The following SHANK2 variants were observed in gnomAD, a reference collection of about 807,000 sequenced individuals.
SHANK2 encodes SH3 and multiple ankyrin repeat domains 2.
Under a neutral mutation model 133.7 loss-of-function variants are expected in SHANK2, and 43 were observed. That is an observed-to-expected ratio of 0.32 (90% confidence interval 0.25 to 0.41). The LOEUF (loss-of-function observed/expected upper bound fraction) is 0.41, where lower values mean the gene tolerates loss of function less well. Among genes scored for constraint, SHANK2 ranks in the 10% least tolerant of loss-of-function variants. The pLI is 1.00. For missense variants in SHANK2, 1,994 were observed against 2,235.8 expected, an observed-to-expected ratio of 0.89 and a Z score of 2.18; for synonymous variants, 1,017 against 952.8, an observed-to-expected ratio of 1.07 and a Z score of -1.24.
At chr11:71,189,963 A>C (rs1555115129) in intron 2 of SHANK2, among the ~76,000 whole-genome samples, 4 of 152,242 alleles carry the variant, frequency 2.6e-5, no homozygotes, top group African/African-American at 9.6e-5. Flanking sequence ...GAGCACTCCG[A>C]GCACGAGGGC....
chr11:71,146,986 G>T (rs561385175), intron 3 of SHANK2, 134 bp downstream of exon 3: 2 of 706,848 alleles, frequency 2.8e-6, no homozygotes, highest in South Asian at 4.6e-5. Context: ...CAGAAGTATG[G>T]AGCGAGGAAG....
chr11:70,661,828 G>C, intron 15 of SHANK2, 150 bp from the exon 16 acceptor site: 1 of 1,608,256 alleles, frequency 6.2e-7, no homozygotes, highest in Non-Finnish European at 8.5e-7. Context: ...AGGCAGCGAG[G>C]GTGCAGGAGG....
chr11:70,627,903 A>T (rs2060925663), intron 17 of SHANK2, among the ~76,000 whole-genome samples: 1 of 152,186 alleles, frequency 6.6e-6, no homozygotes, highest in Non-Finnish European at 1.5e-5. Flanking sequence ...CTCAACCTGG[A>T]TTGGACCTCA....
Position 70,487,283 on chromosome 11 carries a change from C to T in SHANK2, c.3010G>A (p.Ala1004Thr), listed in dbSNP as rs138335203. The change falls in exon 25 of 26, where the codon GCC becomes ACC. Residue 1004 changes from alanine (A) to threonine (T), a missense_variant. By Grantham distance (58) the Ala-to-Thr change is moderately conservative (BLOSUM62 0). Coordinates refer to ENST00000601538, the MANE Select transcript of SHANK2 (RefSeq NM_012309.5). This position sits in a 1 kb window ranked among gnomAD's most constrained non-coding sequence, Gnocchi z 5.8. The stretch of plus-strand genomic sequence containing the variant: ...ATCCCCTTCCGCCTGGCGGGCTTGG[C>T]GGGGACGTAGACGGCTTTGCTGGCG... ...KIASKAVYVP[A>T]KPARRKGMLV... is the part of the protein sequence containing the mutation. 33 of 1,614,080 alleles carry T rather than the reference C, an allele frequency of 2.0e-5. No individual in the cohort carries two copies. Among genetic ancestry groups the T allele is most frequent in the Admixed American group, 1.3e-4 (8 of 60,006 alleles).
chr11:71,115,690 G>C (rs371764319), intron 4 of SHANK2, among the ~76,000 whole-genome samples: 1 of 152,122 alleles, frequency 6.6e-6, no homozygotes, highest in South Asian at 2.1e-4. Flanking sequence ...GAGAGCATGG[G>C]TGGCTGGCTC....
chr11:70,919,390 C>CT (rs1385263902), intron 10 of SHANK2, among the ~76,000 whole-genome samples: 53 of 146,918 alleles, frequency 3.6e-4, no homozygotes, highest in East Asian at 2.4e-3. Flanking sequence ...TTTTTTAACT[C>CT]TTTTTTTTTG....
In SHANK2 at chr11:71,184,388, C is replaced by T. The variant is rs145738267; in HGVS notation, c.-12-37050G>A. ...GGCCCCCACGAAAAGCAATGGCTCTCGCGTCCATCACTTGAAACAATGTCG... is the reference window on the plus strand; with the variant it reads ...GGCCCCCACGAAAAGCAATGGCTCTTGCGTCCATCACTTGAAACAATGTCG... On this transcript the variant is annotated intron_variant, in intron 2 of 25. Transcript: ENST00000601538. Among the ~76,000 whole-genome samples, 781 of 152,278 alleles carry T rather than the reference C, an allele frequency of 5.1e-3. 13 individuals are homozygous for T. Among genetic ancestry groups the T allele is most frequent in the African/African-American group, 0.017 (705 of 41,562 alleles).
At chr11:70,528,050 TC>T (rs782559310) in intron 17 of SHANK2, among the ~76,000 whole-genome samples, 1 of 152,170 alleles carries the variant, frequency 6.6e-6, no homozygotes, top group Non-Finnish European at 1.5e-5. Flanking sequence ...ATGACCGTCC[TC>T]CCATCCCTGC....
At chr11:70,745,865 C>A (rs367942146) in intron 14 of SHANK2, among the ~76,000 whole-genome samples, 1 of 152,244 alleles carries the variant, frequency 6.6e-6, no homozygotes, top group East Asian at 1.9e-4. Flanking sequence ...CCTGATCCGC[C>A]ACACCTGAGA....
At chr11:71,219,115 A>G (rs543609760) in intron 2 of SHANK2, among the ~76,000 whole-genome samples, 37 of 152,228 alleles carry the variant, frequency 2.4e-4, no homozygotes, top group African/African-American at 8.2e-4. Flanking sequence ...ATGAGGAGAG[A>G]GCATTTCTCA....
intron 6 of SHANK2, among the ~76,000 whole-genome samples, chr11:71,099,440 T>C (rs1555096273): frequency 1.3e-5 from 2 of 152,226 alleles, no homozygotes; most frequent in Non-Finnish European, 2.9e-5. Context: ...GTACTATCTT[T>C]GCACTTATTC....
intron 2 of SHANK2, among the ~76,000 whole-genome samples, chr11:71,173,285 C>T (rs1415989381): frequency 6.6e-6 from 1 of 152,164 alleles, no homozygotes; most frequent in Non-Finnish European, 1.5e-5. Context: ...TAGGTTTCTC[C>T]TTCTGGCTGG....
At position 70,569,554 on chromosome 11, in the gene SHANK2, G is replaced by A. The variant is rs369210978; in HGVS notation, c.2062-66623C>T. ...TCCCCATCTTACCTCTGCTGGTGCCGCAGCCCTCTCCTTTCTGTGGCCCCT... is the reference window on the plus strand; with the variant it reads ...TCCCCATCTTACCTCTGCTGGTGCCACAGCCCTCTCCTTTCTGTGGCCCCT... On this transcript the variant is annotated intron_variant, in intron 17 of 25. Transcript: ENST00000601538. The surrounding 1 kb of genome is among the most constrained non-coding windows in gnomAD (Gnocchi z 5.1). Among the ~76,000 whole-genome samples the A allele has an allele frequency of 3.2e-4, 49 of 152,216 alleles. No homozygotes were observed. The highest frequency in any genetic ancestry group is 1.2e-3 in the African/African-American group (48 of 41,554).
chr11:71,160,741 A>C (rs1185191644), intron 2 of SHANK2, among the ~76,000 whole-genome samples: 5 of 152,144 alleles, frequency 3.3e-5, no homozygotes, highest in Non-Finnish European at 7.4e-5. Context: ...GATGGGGAAA[A>C]AGTTGAGGAG....
chr11:70,883,104 C>A (rs141183794), intron 11 of SHANK2, among the ~76,000 whole-genome samples: 2 of 152,118 alleles, frequency 1.3e-5, no homozygotes, highest in East Asian at 3.9e-4. Context: ...CCTGGGGACC[C>A]TTGTCAAGTG....
chr11:70,898,957 G>T (rs1949983707), intron 10 of SHANK2, among the ~76,000 whole-genome samples: 1 of 152,234 alleles, frequency 6.6e-6, no homozygotes, highest in South Asian at 2.1e-4. Context: ...GGATTTGACA[G>T]AAGAGGGTAA....
At chr11:70,913,371 A>C (rs1394083614) in intron 10 of SHANK2, among the ~76,000 whole-genome samples, 2 of 152,234 alleles carry the variant, frequency 1.3e-5, no homozygotes, top group Non-Finnish European at 2.9e-5. Context: ...AATTAAATTC[A>C]ACACAATTAA....
chr11:70,605,546 G>A (rs2060564875), intron 17 of SHANK2, among the ~76,000 whole-genome samples: 1 of 152,238 alleles, frequency 6.6e-6, no homozygotes, highest in Non-Finnish European at 1.5e-5. Context: ...ATTTCTTAAT[G>A]GCCGGCTGCC....
intron 3 of SHANK2, among the ~76,000 whole-genome samples, chr11:71,143,389 C>G (rs1952590852): frequency 6.6e-6 from 1 of 152,182 alleles, no homozygotes; most frequent in Non-Finnish European, 1.5e-5. Context: ...TTTGTAACCC[C>G]AAAATCCATG....
Sources: gnomAD v4.1 joint callset for allele counts (sites outside exome capture counted in the v4.1 genomes callset) on GRCh38, gnomAD v4.1.1 for gene constraint, Gnocchi (gnomAD v3.1) non-coding constraint, MANE v1.5 for transcripts, NCBI Gene and HGNC (gene_info 2026-07-23, HGNC 2026-07-21) for gene names.